Variants in RNF212 observed in about 807,000 individuals in gnomAD.
RNF212 encodes ring finger protein 212, also known as probable E3 SUMO-protein ligase RNF212.
Under a neutral mutation model 34.7 loss-of-function variants are expected in RNF212, and 33 were observed. The observed-to-expected ratio is 0.95, with a 90% CI of 0.72 to 1.27. RNF212 has a LOEUF of 1.27. Among genes scored for constraint, RNF212 ranks in the 50% most tolerant of loss-of-function variants. The pLI, the probability that RNF212 is intolerant of heterozygous loss-of-function variation, is 0.00. For missense variants in RNF212, 377 were observed against 362.2 expected (o/e 1.04, Z -0.33); for synonymous variants, 140 against 136.1 (o/e 1.03, Z -0.20).
intron 2 of RNF212, chr4:1,101,298 T>C: frequency 3.0e-6 from 1 of 330,814 alleles, no homozygotes; most frequent in Non-Finnish European, 5.9e-6. Flanking sequence ...TCCATAATTG[T>C]ATTGTTTTAT....
downstream of RNF212, among the ~76,000 whole-genome samples, chr4:1,066,882 T>C (rs889891716): frequency 1.3e-5 from 2 of 152,200 alleles, no homozygotes; most frequent in African/African-American, 4.8e-5. Flanking sequence ...ACATCCAACA[T>C]TGTGAACCTT....
At chr4:1,075,032 T>C (rs1436063693) in intron 8 of RNF212, among the ~76,000 whole-genome samples, 2 of 152,196 alleles carry the variant, frequency 1.3e-5, no homozygotes, top group African/African-American at 2.4e-5. Context: ...CCGCAGAGCG[T>C]TCAAGTGCTG....
intron 2 of RNF212, among the ~76,000 whole-genome samples, chr4:1,106,787 A>T (rs1325030771): frequency 1.3e-5 from 2 of 152,256 alleles, no homozygotes; most frequent in African/African-American, 2.4e-5. Context: ...AAGCTGCCAC[A>T]TGTGTGGAGG....
At chr4:1,057,948 C>G (rs1032032695) in intron 4 of RNF212, among the ~76,000 whole-genome samples, 22 of 152,186 alleles carry the variant, frequency 1.4e-4, no homozygotes, top group African/African-American at 4.8e-4. Context: ...GTAATCCCAG[C>G]TACTCGGGAG....
At chr4:1,094,393 C>T (rs1355799571) in intron 3 of RNF212, among the ~76,000 whole-genome samples, 2 of 151,918 alleles carry the variant, frequency 1.3e-5, no homozygotes, top group East Asian at 1.9e-4. Context: ...CAATGACCTG[C>T]GTCAGAAGCT....
intron 3 of RNF212, among the ~76,000 whole-genome samples, chr4:1,058,720 T>C (rs1278723575): frequency 6.6e-6 from 1 of 152,202 alleles, no homozygotes; most frequent in East Asian, 1.9e-4. Flanking sequence ...TAGCAAGACC[T>C]GGAAACGAAC....
intron 1 of RNF212, among the ~76,000 whole-genome samples, chr4:1,112,357 G>A (rs969449198): frequency 2.0e-5 from 3 of 152,180 alleles, no homozygotes; most frequent in East Asian, 1.9e-4. Context: ...CACAGCTGGC[G>A]TCCCCTGGGG....
intron 8 of RNF212, among the ~76,000 whole-genome samples, chr4:1,078,511 G>T (rs1719709016): frequency 1.3e-5 from 2 of 152,228 alleles, no homozygotes; most frequent in African/African-American, 4.8e-5. Flanking sequence ...CTTCTCTCCA[G>T]CTTGAAGTTG....
chr4:1,092,461 AG>A (rs1722339608), intron 3 of RNF212, among the ~76,000 whole-genome samples: 1 of 152,154 alleles, frequency 6.6e-6, no homozygotes, highest in South Asian at 2.1e-4. Context: ...GGACTCCATT[AG>A]GGGGAGCCAC....
intron 2 of RNF212, among the ~76,000 whole-genome samples, chr4:1,106,654 A>C (rs1724876095): frequency 6.6e-6 from 1 of 152,236 alleles, no homozygotes; most frequent in Non-Finnish European, 1.5e-5. Flanking sequence ...TAAGTAAATG[A>C]CCTGAACATT....
rs1230426404 is a variant in RNF212 at position 1,079,705 on chromosome 4, G to A, written c.465-17C>T. ...GACTCCAGTCTGTTAAACACATAGTGAAAGGCTTTGAGTGAGCCCAGGACT... is the reference window on the plus strand; with the variant it reads ...GACTCCAGTCTGTTAAACACATAGTAAAAGGCTTTGAGTGAGCCCAGGACT... On this transcript the variant is annotated splice_polypyrimidine_tract_variant and intron_variant, in intron 7 of 9. Transcript: ENST00000433731. 4.4e-6 allele frequency: 7 copies of A among 1,599,650 alleles called. No individual in the cohort carries two copies. The South Asian group carries it at 6.6e-5, about 15-fold the overall frequency.
At chr4:1,094,097 A>G in intron 3 of RNF212, 1 of 1,441,220 alleles carries the variant, frequency 6.9e-7, no homozygotes. Context: ...CACAGCCTGA[A>G]GGCACAAGCC....
At chr4:1,102,306 G>C (rs935976253) in intron 2 of RNF212, among the ~76,000 whole-genome samples, 1 of 152,216 alleles carries the variant, frequency 6.6e-6, no homozygotes, top group Non-Finnish European at 1.5e-5. Flanking sequence ...AGGACCCCAA[G>C]TGTGCTGAAA....
chr4:1,056,962 C>T (rs888088540), intron 4 of RNF212: 47 of 987,894 alleles, frequency 4.8e-5, no homozygotes, highest in African/African-American at 2.1e-4. Context: ...GTGGTGTTGG[C>T]GTTAGTGGGG....
chr4:1,088,840 T>C (rs906191974), intron 4 of RNF212, among the ~76,000 whole-genome samples: 6 of 152,200 alleles, frequency 3.9e-5, no homozygotes, highest in African/African-American at 7.2e-5. Context: ...ACCCCAAGCA[T>C]TGGCGGCTTC....
intron 3 of RNF212, among the ~76,000 whole-genome samples, chr4:1,095,111 A>G (rs1023128803): frequency 7.3e-5 from 11 of 150,404 alleles, no homozygotes; most frequent in African/African-American, 2.7e-4. Context: ...CCACAGCTCC[A>G]TGGTCTCAGG....
chr4:1,095,866 C>T (rs71604357), intron 3 of RNF212, among the ~76,000 whole-genome samples: 4 of 81,714 alleles, frequency 4.9e-5, no homozygotes, highest in East Asian at 3.2e-4. Flanking sequence ...CAACCACACC[C>T]CCCACAGCTC....
chr4:1,107,001 G>A (rs944990175), intron 2 of RNF212, among the ~76,000 whole-genome samples: 1 of 151,986 alleles, frequency 6.6e-6, no homozygotes, highest in African/African-American at 2.4e-5. Flanking sequence ...AAAATATAAT[G>A]CAGTCCTTTT....
In RNF212 at chr4:1,072,828, A is replaced by G; in HGVS notation, c.*46T>C. On this transcript the variant is annotated 3_prime_UTR_variant, in exon 10 of 10. Coordinates refer to ENST00000433731, the MANE Select transcript of RNF212 (RefSeq NM_001131034.4). ...TAATTTGTAGAAAAAACACAGAGGA[A>G]TAAATTGAAAACACTCAGAATCATT... 6.6e-7 allele frequency: 1 copy of G among 1,518,906 alleles called. No individual in the cohort carries two copies. The highest frequency in any genetic ancestry group is 8.9e-7 in the Non-Finnish European group (1 of 1,129,630). The allele number at this position is 1,518,906 out of a possible 1,614,324, so 94.1% of individuals were successfully genotyped here. A position where few individuals can be genotyped will look rare whatever the true frequency, so the allele number is the denominator to read the frequency against.
Sources: allele counts gnomAD v4.1 joint callset (sites outside exome capture counted in the v4.1 genomes callset), GRCh38; gene constraint gnomAD v4.1.1; transcripts MANE v1.5; gene names NCBI Gene and HGNC (gene_info 2026-07-23, HGNC 2026-07-21).